DENND4B: variants seen among roughly 807,000 people sequenced by gnomAD.
The protein encoded by DENND4B is DENN domain containing 4B, also known as DENN domain-containing protein 4B.
Under a neutral mutation model 161.0 loss-of-function variants are expected in DENND4B, and 67 were observed. The observed-to-expected ratio is 0.42, with a 90% CI of 0.34 to 0.51. The LOEUF is 0.51. Among genes scored for constraint, DENND4B ranks in the 20% least tolerant of loss-of-function variants. The pLI, the probability that DENND4B is intolerant of heterozygous loss-of-function variation, is 0.08. For synonymous variants in DENND4B, 753 were observed against 813.8 expected, an observed-to-expected ratio of 0.93 and a Z score of 1.27; for missense variants, 1,481 against 1,968.0, an observed-to-expected ratio of 0.75 and a Z score of 4.68.
chr1:153,938,672 A>G (rs1444205086), intron 13 of DENND4B, among the ~76,000 whole-genome samples: 4 of 151,812 alleles, frequency 2.6e-5, no homozygotes, highest in African/African-American at 9.7e-5. Flanking sequence ...CCTGCACTCC[A>G]GCCTGGGCGA....
Position 153,933,039 on chromosome 1 carries a change from AG to A in DENND4B, c.3454-10del. 6.2e-7 allele frequency: 1 copy of A among 1,612,788 alleles called. No homozygotes were observed. The highest frequency in any genetic ancestry group is 8.5e-7 in the Non-Finnish European group (1 of 1,179,054). On this transcript the variant is annotated splice_polypyrimidine_tract_variant and intron_variant, in intron 21 of 27. Coordinates refer to ENST00000361217, the MANE Select transcript of DENND4B (RefSeq NM_014856.3). This position sits in a 1 kb window ranked among gnomAD's most constrained non-coding sequence, Gnocchi z 5.7. ...CAGCTGGACAGCAGAATCTGTGGGC[AG>A]GGAGAGTCGGGAAGTAGGTGCTGTC...
In DENND4B at chr1:153,936,085, G is replaced by T; in HGVS notation, c.2543C>A (p.Thr848Asn). 1.2e-6 allele frequency: 2 copies of T among 1,613,134 alleles called. No individual in the cohort carries two copies. The highest frequency in any genetic ancestry group is 1.7e-6 in the Non-Finnish European group (2 of 1,179,586). The part of the protein sequence containing the change: ...EMRQAGIVPN[T>N]ITYGYYNKAV... ...CTTATTGTAGTAGCCATAGGTGATGGTGTTGGGCACAATGCCTGCCTGACG... is the reference window on the plus strand; with the variant it reads ...CTTATTGTAGTAGCCATAGGTGATGTTGTTGGGCACAATGCCTGCCTGACG... Residue 848 changes from threonine (T) to asparagine (N), a missense_variant, in exon 17 of 28, where the codon ACC becomes AAC. Coordinates refer to ENST00000361217, the MANE Select transcript of DENND4B (RefSeq NM_014856.3). The surrounding 1 kb of genome is among the most constrained non-coding windows in gnomAD (Gnocchi z 4.1).
rs779639656 is a variant in DENND4B, at chr1:153,941,986, C to T, written c.938G>A (p.Arg313His). The change falls in exon 6 of 28, where the codon CGC (arginine) becomes CAC (histidine). Residue 313 changes from arginine (R) to histidine (H), a missense_variant. Arg to His is a conservative substitution (Grantham distance 29, BLOSUM62 0). Coordinates refer to ENST00000361217, the MANE Select transcript of DENND4B (RefSeq NM_014856.3). ...RGRALGGRAV[R>H]SRRAIAVLSR... ...CAGCACAGCGATGGCACGCCGGCTG[C>T]GCACAGCTCTGCCCCCCAGTGCCCG... 6 of 1,612,144 alleles carry T rather than the reference C, an allele frequency of 3.7e-6. No individual in the cohort carries two copies. The highest frequency in any genetic ancestry group is 1.7e-5 in the Admixed American group (1 of 59,900).
chr1:153,933,416 C>T lies in DENND4B; in HGVS notation c.3330+67G>A. The stretch of plus-strand genomic sequence containing the variant: ...CCTCAGAGCCCCCTTTTTGAGCATT[C>T]TTCCAGTCGTAGCCCCTCCCCAAGC... On this transcript the variant is annotated intron_variant, in intron 20 of 27. Coordinates refer to ENST00000361217, the MANE Select transcript of DENND4B (RefSeq NM_014856.3). The surrounding 1 kb of genome is among the most constrained non-coding windows in gnomAD (Gnocchi z 5.7). 6.2e-7 allele frequency: 1 copy of T among 1,603,854 alleles called. No homozygotes were observed. Among genetic ancestry groups the T allele is most frequent in the South Asian group, 1.1e-5 (1 of 90,156 alleles).
At chr1:153,938,789 T>C in intron 13 of DENND4B, 111 bp downstream of exon 13, 1 of 937,234 alleles carries the variant, frequency 1.1e-6, no homozygotes, top group Non-Finnish European at 1.6e-6. Flanking sequence ...CCCTGGGGTC[T>C]ACAGCCATAC....
Position 153,932,701 on chromosome 1 carries a change from T to C in DENND4B, c.3700A>G (p.Ser1234Gly), listed in dbSNP as rs1484805793. 3 of 1,614,052 alleles carry C rather than the reference T, an allele frequency of 1.9e-6. No individual in the cohort carries two copies. The highest frequency in any genetic ancestry group is 2.5e-6 in the Non-Finnish European group (3 of 1,179,902). Residue 1234 changes from serine (S) to glycine (G), a missense_variant, in exon 23 of 28, where the codon AGT becomes GGT. By Grantham distance (56) the Ser-to-Gly change is moderately conservative. Transcript: ENST00000361217. This position sits in a 1 kb window ranked among gnomAD's most constrained non-coding sequence, Gnocchi z 5.8. ...PVPGGPGPVL[S>G]DRRLCLALDE... is the part of the protein sequence containing the mutation. ...AGAGCAAGGCAGAGCCTTCGGTCAC[T>C]GAGCACAGGGCCAGGACCACCAGGG...
chr1:153,930,796 C>T lies in DENND4B; in HGVS notation c.4176G>A (p.Leu1392=). 1 of 1,607,238 alleles carries T rather than the reference C, an allele frequency of 6.2e-7. No individual in the cohort carries two copies. The highest frequency in any genetic ancestry group is 8.5e-7 in the Non-Finnish European group (1 of 1,176,808). The change falls in exon 26 of 28, where the codon CTG becomes CTA. Residue 1392 remains leucine (L), a synonymous_variant. Coordinates refer to ENST00000361217, the MANE Select transcript of DENND4B (RefSeq NM_014856.3). This position sits in a 1 kb window ranked among gnomAD's most constrained non-coding sequence, Gnocchi z 4.7. ...GPVPASLSLA[L]LESVLRHVGL... ...CAACATGGCGCAGCACTGACTCCAA[C>T]AGTGCCAAACTAAGGGATGCAGGTA...
Position 153,933,194 on chromosome 1 carries a change from C to T in DENND4B, c.3453+3G>A. The stretch of plus-strand genomic sequence containing the variant: ...ACATCTGTGTGGGAGGGGTTATCCT[C>T]ACTTCCAGGGAAGGTGACTGGAAGG... On this transcript the variant is annotated splice_donor_region_variant and intron_variant, in intron 21 of 27. Transcript: ENST00000361217. The surrounding 1 kb of genome is among the most constrained non-coding windows in gnomAD (Gnocchi z 5.7). 1 of 1,612,950 alleles carries T rather than the reference C, an allele frequency of 6.2e-7. No individual in the cohort carries two copies. Among genetic ancestry groups the T allele is most frequent in the Non-Finnish European group, 8.5e-7 (1 of 1,179,478 alleles).
rs1240040069 is a variant in DENND4B, at chr1:153,929,645, C to T, written c.*652G>A. 1.3e-5 allele frequency: 2 copies of T among 152,176 alleles called. No individual in the cohort carries two copies. Among genetic ancestry groups the T allele is most frequent in the African/African-American group, 4.8e-5 (2 of 41,396 alleles). 9.4% of individuals were successfully genotyped at this position (152,176 alleles called of 1,614,324 possible). On this transcript the variant is annotated 3_prime_UTR_variant, in exon 28 of 28. Coordinates refer to ENST00000361217, the MANE Select transcript of DENND4B (RefSeq NM_014856.3). ...GAAAAATTAGGACTGGAGGGGGCAC[C>T]AGTTCTTCCTAAGGGGAGCTTGAGA...
chr1:153,937,399 G>T lies in DENND4B; in HGVS notation c.2232+89C>A. On this transcript the variant is annotated intron_variant, in intron 15 of 27. Transcript: ENST00000361217. The surrounding 1 kb of genome is among the most constrained non-coding windows in gnomAD (Gnocchi z 4.7). The stretch of plus-strand genomic sequence containing the variant: ...ACAACCTCATGGGTTAAGTATTATT[G>T]TTATACCCATTTTGTAGATGAGGAA... The T allele has an allele frequency of 6.9e-7, 1 of 1,445,176 alleles. No individual in the cohort carries two copies. The allele number at this position is 1,445,176 out of a possible 1,614,324, so 89.5% of individuals were successfully genotyped here. A position where few individuals can be genotyped will look rare whatever the true frequency, so the allele number is the denominator to read the frequency against.
Position 153,937,608 on chromosome 1 carries a change from A to G in DENND4B, c.2112T>C (p.Asp704=). The change falls in exon 15 of 28, where the codon GAT becomes GAC. Residue 704 remains aspartate, a synonymous_variant. Coordinates refer to ENST00000361217, the MANE Select transcript of DENND4B (RefSeq NM_014856.3). This position sits in a 1 kb window ranked among gnomAD's most constrained non-coding sequence, Gnocchi z 4.7. ...ACTCAGCCCGTAGCTCTGGGAATCC[A>G]TCATAGCTGGAGGGGCAGAGAGAAG... ...GSESTPQYCY[D]GFPELRAELF... is the part of the protein sequence containing the mutation. The G allele has an allele frequency of 1.2e-6, 2 of 1,612,484 alleles. No individual in the cohort carries two copies. The highest frequency in any genetic ancestry group is 8.5e-7 in the Non-Finnish European group (1 of 1,178,914).
rs752996885 is a variant in DENND4B at position 153,940,196 on chromosome 1, C to T, written c.1563G>A (p.Leu521=). 6.3e-7 allele frequency: 1 copy of T among 1,597,330 alleles called. No homozygotes were observed. Among genetic ancestry groups the T allele is most frequent in the South Asian group, 1.1e-5 (1 of 88,558 alleles). The stretch of plus-strand genomic sequence containing the variant: ...GGTACAGGTTTGTCAGTGTGGCCAG[C>T]AGAACCTTGTAGGGTCTGCGGGGCA... ...RTLPRRPYKV[L]LATLTNLYQQ... Residue 521 remains leucine, a synonymous_variant, in exon 11 of 28, where the codon CTG becomes CTA. Transcript: ENST00000361217. This position sits in a 1 kb window ranked among gnomAD's most constrained non-coding sequence, Gnocchi z 5.6.
chr1:153,939,870 A>C, intron 11 of DENND4B, 66 bp from the exon 12 acceptor site: 71 of 1,499,124 alleles, frequency 4.7e-5, no homozygotes, highest in Middle Eastern at 1.7e-4. Flanking sequence ...CTCTGCTCTC[A>C]TGCCTCCATC....
At chr1:153,945,060 C>G in intron 1 of DENND4B, 1 of 1,272,814 alleles carries the variant, frequency 7.9e-7, no homozygotes, top group South Asian at 1.3e-5. Flanking sequence ...TTGTGAGAGA[C>G]AAGTCCCGGC....
chr1:153,933,185 G>T lies in DENND4B; in HGVS notation c.3453+12C>A. On this transcript the variant is annotated intron_variant, in intron 21 of 27. Coordinates refer to ENST00000361217, the MANE Select transcript of DENND4B (RefSeq NM_014856.3). This position sits in a 1 kb window ranked among gnomAD's most constrained non-coding sequence, Gnocchi z 5.7. ...TGTTCAAGCACATCTGTGTGGGAGG[G>T]GTTATCCTCACTTCCAGGGAAGGTG... is the stretch of plus-strand genomic sequence containing the variant. The T allele has an allele frequency of 1.2e-6, 2 of 1,612,826 alleles. No homozygotes were observed. Among genetic ancestry groups the T allele is most frequent in the East Asian group, 2.2e-5 (1 of 44,836 alleles).
chr1:153,938,151 G>A (rs939662650), intron 13 of DENND4B, among the ~76,000 whole-genome samples: 4 of 152,204 alleles, frequency 2.6e-5, no homozygotes, highest in African/African-American at 7.2e-5. Context: ...GCTCACGCCT[G>A]TAATCCCAGC....
In DENND4B at chr1:153,942,813, G is replaced by T. The variant is rs1679751345; in HGVS notation, c.570+65C>A. Reference sequence around the variant, plus strand: ...GAGCCTTGGTCCTGGGATGCCCTTTGTTCCCAGTGTCCACACCCACTCTTA... The same window carrying T: ...GAGCCTTGGTCCTGGGATGCCCTTTTTTCCCAGTGTCCACACCCACTCTTA... On this transcript the variant is annotated intron_variant, in intron 3 of 27. Transcript: ENST00000361217. The surrounding 1 kb of genome is among the most constrained non-coding windows in gnomAD (Gnocchi z 6.9). 2.0e-6 allele frequency: 3 copies of T among 1,536,186 alleles called. No individual in the cohort carries two copies. Among genetic ancestry groups the T allele is most frequent in the Non-Finnish European group, 2.6e-6 (3 of 1,138,522 alleles).
Position 153,936,524 on chromosome 1 carries a change from G to T in DENND4B, c.2439+18C>A. ...CTCACTGGGCCTGGGTATGAGCATG[G>T]TCACATAGATTGCCTACCTCATCAG... On this transcript the variant is annotated intron_variant, in intron 16 of 27. Coordinates refer to ENST00000361217, the MANE Select transcript of DENND4B (RefSeq NM_014856.3). The surrounding 1 kb of genome is among the most constrained non-coding windows in gnomAD (Gnocchi z 4.1). The T allele has an allele frequency of 1.9e-6, 3 of 1,563,232 alleles. No homozygotes were observed. The highest frequency in any genetic ancestry group is 8.7e-7 in the Non-Finnish European group (1 of 1,149,800).
rs1679210774 is a variant in DENND4B, at chr1:153,934,620, C to T, written c.2773+140G>A. 2.8e-6 allele frequency: 4 copies of T among 1,416,000 alleles called. No individual in the cohort carries two copies. In the South Asian group the frequency reaches 5.7e-5, roughly 20 times the overall value. 87.7% of individuals were successfully genotyped at this position (1,416,000 alleles called of 1,614,324 possible). A position where few individuals can be genotyped will look rare whatever the true frequency, so the allele number is the denominator to read the frequency against. On this transcript the variant is annotated intron_variant, in intron 18 of 27. Coordinates refer to ENST00000361217, the MANE Select transcript of DENND4B (RefSeq NM_014856.3). The surrounding 1 kb of genome is among the most constrained non-coding windows in gnomAD (Gnocchi z 5.3). ...CCACGCCCAGCTAATTTTTTTATCC[C>T]TTTTGTTACCAGTCAAGTGTAATTT...
Sources: allele counts gnomAD v4.1 joint callset (sites outside exome capture counted in the v4.1 genomes callset), GRCh38; gene constraint gnomAD v4.1.1; non-coding constraint Gnocchi (gnomAD v3.1); transcripts MANE v1.5; gene names NCBI Gene and HGNC (gene_info 2026-07-23, HGNC 2026-07-21).